The following CYS1 variants were observed in gnomAD, a reference collection of about 807,000 sequenced individuals.
CYS1 encodes cystin-1.
In CYS1, 5 loss-of-function variants were observed where a neutral mutation model predicts 9.6. That is an observed-to-expected ratio of 0.52 (90% CI 0.27 to 1.10). The LOEUF is 1.10. Ranked by LOEUF, CYS1 falls within the 50% of genes least tolerant of loss-of-function variation. CYS1 has a pLI of 0.11. For synonymous variants in CYS1, 88 were observed against 95.7 expected (o/e 0.92, Z 0.47); for missense variants, 221 against 207.9 (o/e 1.06, Z -0.39).
chr2:10,064,547 A>T (rs994591296), intron 2 of CYS1, among the ~76,000 whole-genome samples: 1 of 152,106 alleles, frequency 6.6e-6, no homozygotes, highest in Non-Finnish European at 1.5e-5. Flanking sequence ...AGCAATGGCC[A>T]GCAGTTTCCA....
At position 10,080,151 on chromosome 2, in the gene CYS1, GC is replaced by G. The variant is rs1160142079; in HGVS notation, c.72del (p.Gly26GlufsTer123). On this transcript the variant is annotated frameshift_variant, in exon 1 of 3. Coordinates refer to ENST00000381813, the MANE Select transcript of CYS1 (RefSeq NM_001037160.3). LOFTEE classifies it high-confidence loss of function. This position sits in a 1 kb window ranked among gnomAD's most constrained non-coding sequence, Gnocchi z 6.4. Reference sequence around the variant, plus strand: ...CCGCCCTCCAGGGCTGCCGCTCCGGGCCCCGCGGGGAGGCTCTCGGGGCTGC... The same window carrying G: ...CCGCCCTCCAGGGCTGCCGCTCCGGGCCCGCGGGGAGGCTCTCGGGGCTGC... ...RRRSPESLPA[G>X]PGAAALEGGT... is the part of the protein sequence containing the mutation. The G allele has an allele frequency of 9.5e-7, 1 of 1,050,358 alleles. No homozygotes were observed. Among genetic ancestry groups the G allele is most frequent in the South Asian group, 3.9e-5 (1 of 25,660 alleles). 65.1% of individuals were successfully genotyped at this position (1,050,358 alleles called of 1,614,324 possible). A position where few individuals can be genotyped will look rare whatever the true frequency, so the allele number is the denominator to read the frequency against.
At position 10,076,065 on chromosome 2, in the gene CYS1, T is replaced by C. The variant is rs1469070132; in HGVS notation, c.318+3841A>G. ...TTAGCCAGGCGTGGTGGCATGCTCC[T>C]ATAGTCCCAGCTACTCGGGATGCTG... On this transcript the variant is annotated intron_variant, in intron 1 of 2. Coordinates refer to ENST00000381813, the MANE Select transcript of CYS1 (RefSeq NM_001037160.3). This position sits in a 1 kb window ranked among gnomAD's most constrained non-coding sequence, Gnocchi z 4.3. Among the ~76,000 whole-genome samples, 1 of 152,172 alleles carries C rather than the reference T, an allele frequency of 6.6e-6. No individual in the cohort carries two copies. The highest frequency in any genetic ancestry group is 1.5e-5 in the Non-Finnish European group (1 of 68,034).
chr2:10,064,458 T>C (rs1043179694), intron 2 of CYS1, among the ~76,000 whole-genome samples: 5 of 151,986 alleles, frequency 3.3e-5, no homozygotes, highest in Non-Finnish European at 7.4e-5. Flanking sequence ...TGCGTGGGCA[T>C]CATCCTCACT....
chr2:10,060,830 T>C (rs998091502), intron 2 of CYS1, among the ~76,000 whole-genome samples: 2 of 151,894 alleles, frequency 1.3e-5, no homozygotes, highest in Non-Finnish European at 2.9e-5. Flanking sequence ...ACTCCACGAG[T>C]CCAGCCTGAG....
Position 10,080,091 on chromosome 2 carries a change from C to G in CYS1, c.133G>C (p.Val45Leu), listed in dbSNP as rs186266646. 47,866 of 1,027,924 alleles carry G rather than the reference C, an allele frequency of 0.047. 1,871 individuals carry two copies. The highest frequency in any genetic ancestry group is 0.16 in the South Asian group (3,685 of 23,220). 63.7% of individuals were successfully genotyped at this position (1,027,924 alleles called of 1,614,324 possible). The change falls in exon 1 of 3, where the codon GTC becomes CTC. Residue 45 changes from valine to leucine, a missense_variant. Val to Leu is a conservative substitution (Grantham distance 32). Coordinates refer to ENST00000381813, the MANE Select transcript of CYS1 (RefSeq NM_001037160.3). This position sits in a 1 kb window ranked among gnomAD's most constrained non-coding sequence, Gnocchi z 6.4. ...GCCTCCTCCGCGGCTGCCCCCGGGA[C>G]CTCGGCCGCCGCCACCGGCACCCGC... ...RRRVPVAAAE[V>L]PGAAAEEAPG... is the part of the protein sequence containing the mutation.
rs1661584751 is a variant in CYS1 at position 10,058,750 on chromosome 2, G to A, written c.*103C>T. On this transcript the variant is annotated 3_prime_UTR_variant, in exon 3 of 3. Coordinates refer to ENST00000381813, the MANE Select transcript of CYS1 (RefSeq NM_001037160.3). ...CAGCTTTGAATATCCGGGAGTGACT[G>A]CGTTTTGGAGGTGGTTCAGCTCCTG... is the stretch of plus-strand genomic sequence containing the variant. 1.0e-5 allele frequency: 10 copies of A among 978,976 alleles called. No homozygotes were observed. In the East Asian group the frequency reaches 2.2e-4, roughly 21 times the overall value. The allele number at this position is 978,976 out of a possible 1,614,324, so 60.6% of individuals were successfully genotyped here.
In CYS1 at chr2:10,066,340, G is replaced by A. The variant is rs182904255; in HGVS notation, c.319-384C>T. On this transcript the variant is annotated intron_variant, in intron 1 of 2. Transcript: ENST00000381813. ...GGGACCCACCGCCACCTAGCACGAG[G>A]GCACCCCGTGTGTCACCTCCAGGGA... Among the ~76,000 whole-genome samples the A allele has an allele frequency of 5.6e-4, 85 of 151,644 alleles. No individual in the cohort carries two copies. In the East Asian group the frequency reaches 0.016, roughly 28 times the overall value.
chr2:10,075,608 T>C lies in CYS1; in HGVS notation c.318+4298A>G, dbSNP rs183221945. Among the ~76,000 whole-genome samples the C allele has an allele frequency of 2.6e-3, 391 of 152,298 alleles. 1 individual carries two copies. The highest frequency in any genetic ancestry group is 0.01 in the Middle Eastern group (3 of 294). On this transcript the variant is annotated intron_variant, in intron 1 of 2. Transcript: ENST00000381813. ...CCAGGCACTCACTGTGACTGCTCTCTTTACACCGTGAGTTCCATAGCAGCT... is the reference window on the plus strand; with the variant it reads ...CCAGGCACTCACTGTGACTGCTCTCCTTACACCGTGAGTTCCATAGCAGCT...
chr2:10,076,984 C>T lies in CYS1; in HGVS notation c.318+2922G>A, dbSNP rs1046099523. On this transcript the variant is annotated intron_variant, in intron 1 of 2. Transcript: ENST00000381813. The surrounding 1 kb of genome is among the most constrained non-coding windows in gnomAD (Gnocchi z 4.3). ...AATTTAACATACTGAAAACCAACTTCCTGGTTAATGACACCCCAAACCTGC... is the reference window on the plus strand; with the variant it reads ...AATTTAACATACTGAAAACCAACTTTCTGGTTAATGACACCCCAAACCTGC... Among the ~76,000 whole-genome samples, 7 of 152,172 alleles carry T rather than the reference C, an allele frequency of 4.6e-5. No homozygotes were observed. The highest frequency in any genetic ancestry group is 2.0e-4 in the Admixed American group (3 of 15,280).
At chr2:10,061,387 A>G (rs10171924) in intron 2 of CYS1, among the ~76,000 whole-genome samples, 121,612 of 152,184 alleles carry the variant, frequency 0.8, 48,850 homozygotes, top group Middle Eastern at 0.88. Flanking sequence ...GGAAGAAGAG[A>G]AATGGGCACG....
chr2:10,080,364 G>T lies in CYS1; in HGVS notation c.-141C>A. On this transcript the variant is annotated 5_prime_UTR_variant, in exon 1 of 3. Transcript: ENST00000381813. This position sits in a 1 kb window ranked among gnomAD's most constrained non-coding sequence, Gnocchi z 6.4. ...GTCCGGGAAGCGACCGCGGCCAGGG[G>T]CTAGGGTTCCCGGGCGGGGGTCGCG... 2.6e-6 allele frequency: 1 copy of T among 388,064 alleles called. No individual in the cohort carries two copies. The highest frequency in any genetic ancestry group is 3.5e-6 in the Non-Finnish European group (1 of 281,978). The allele number at this position is 388,064 out of a possible 1,614,324, so 24.0% of individuals were successfully genotyped here. A position where few individuals can be genotyped will look rare whatever the true frequency, so the allele number is the denominator to read the frequency against.
Position 10,057,521 on chromosome 2 carries a change from TC to T in CYS1, c.*1331del, listed in dbSNP as rs1479446923. 1.3e-5 allele frequency: 2 copies of T among 152,342 alleles called. No individual in the cohort carries two copies. Among genetic ancestry groups the T allele is most frequent in the Non-Finnish European group, 2.9e-5 (2 of 68,124 alleles). 9.4% of individuals were successfully genotyped at this position (152,342 alleles called of 1,614,324 possible). ...AAGGACCTGCGAGCTGGAGCTCTTCTCGGGAAAAAGAAAACGCTGGGGAGGC... is the reference window on the plus strand; with the variant it reads ...AAGGACCTGCGAGCTGGAGCTCTTCTGGGAAAAAGAAAACGCTGGGGAGGC... On this transcript the variant is annotated 3_prime_UTR_variant, in exon 3 of 3. Coordinates refer to ENST00000381813, the MANE Select transcript of CYS1 (RefSeq NM_001037160.3).
rs1465694369 is a variant in CYS1, at chr2:10,080,252, AG to A, written c.-30del. 9.8e-7 allele frequency: 1 copy of A among 1,018,886 alleles called. No homozygotes were observed. Among genetic ancestry groups the A allele is most frequent in the Non-Finnish European group, 1.2e-6 (1 of 857,104 alleles). The allele number at this position is 1,018,886 out of a possible 1,614,324, so 63.1% of individuals were successfully genotyped here. A position where few individuals can be genotyped will look rare whatever the true frequency, so the allele number is the denominator to read the frequency against. ...GCGCCCGCCGCCTCCCGGACCGCCG[AG>A]GGGGCCCCCATGAGGGGGCGCGGCC... On this transcript the variant is annotated 5_prime_UTR_variant, in exon 1 of 3. Coordinates refer to ENST00000381813, the MANE Select transcript of CYS1 (RefSeq NM_001037160.3). The surrounding 1 kb of genome is among the most constrained non-coding windows in gnomAD (Gnocchi z 6.4).
At chr2:10,064,175 A>T (rs1661664786) in intron 2 of CYS1, among the ~76,000 whole-genome samples, 1 of 152,164 alleles carries the variant, frequency 6.6e-6, no homozygotes, top group Non-Finnish European at 1.5e-5. Context: ...GTGAGCCGAG[A>T]TCGTACCAGT....
rs1399917798 is a variant in CYS1, at chr2:10,058,749, T to G, written c.*104A>C. ...GCAGCTTTGAATATCCGGGAGTGACTGCGTTTTGGAGGTGGTTCAGCTCCT... is the reference window on the plus strand; with the variant it reads ...GCAGCTTTGAATATCCGGGAGTGACGGCGTTTTGGAGGTGGTTCAGCTCCT... On this transcript the variant is annotated 3_prime_UTR_variant, in exon 3 of 3. Coordinates refer to ENST00000381813, the MANE Select transcript of CYS1 (RefSeq NM_001037160.3). 1.0e-6 allele frequency: 1 copy of G among 971,050 alleles called. No individual in the cohort carries two copies. Among genetic ancestry groups the G allele is most frequent in the Non-Finnish European group, 1.5e-6 (1 of 664,088 alleles). The allele number at this position is 971,050 out of a possible 1,614,324, so 60.2% of individuals were successfully genotyped here.
chr2:10,073,221 C>G (rs752040096), intron 1 of CYS1, among the ~76,000 whole-genome samples: 18,638 of 141,074 alleles, frequency 0.13, 1,676 homozygotes, highest in Middle Eastern at 0.24. Flanking sequence ...CCCCCCCCCC[C>G]CCCCGGCTGT....
intron 2 of CYS1, among the ~76,000 whole-genome samples, chr2:10,059,758 G>A (rs574668522): frequency 2.6e-4 from 39 of 152,382 alleles, no homozygotes; most frequent in African/African-American, 8.4e-4. Flanking sequence ...ACATCGGTCC[G>A]TGCTTGTACC....
chr2:10,066,290 C>A (rs1661693868), intron 1 of CYS1, among the ~76,000 whole-genome samples: 2 of 152,010 alleles, frequency 1.3e-5, no homozygotes. Flanking sequence ...ACGAGGGCAC[C>A]CCGTGTGTCA....
Position 10,065,933 on chromosome 2 carries a change from C to A in CYS1, c.342G>T (p.Glu114Asp), listed in dbSNP as rs751830255. 3.7e-6 allele frequency: 6 copies of A among 1,614,212 alleles called. No homozygotes were observed. The highest frequency in any genetic ancestry group is 5.1e-6 in the Non-Finnish European group (6 of 1,180,044). ...AGACATTGCCGCTCCCCGGGTGGCCCTCTGTGCTCTGCTCTGCGCACACCT... is the reference window on the plus strand; with the variant it reads ...AGACATTGCCGCTCCCCGGGTGGCCATCTGTGCTCTGCTCTGCGCACACCT... ...GSAVCAEQSTEGHPGSGNVSE... is the reference protein window; with the variant it reads ...GSAVCAEQSTDGHPGSGNVSE... The change falls in exon 2 of 3, where the codon GAG (glutamate) becomes GAT (aspartate). Residue 114 changes from glutamate to aspartate, a missense_variant. Coordinates refer to ENST00000381813, the MANE Select transcript of CYS1 (RefSeq NM_001037160.3).
Sources: gnomAD v4.1 joint callset for allele counts (sites outside exome capture counted in the v4.1 genomes callset) on GRCh38, gnomAD v4.1.1 for gene constraint, Gnocchi (gnomAD v3.1) non-coding constraint, MANE v1.5 for transcripts, NCBI Gene and HGNC (gene_info 2026-07-23, HGNC 2026-07-21) for gene names.